KIAA1549: variants seen among roughly 807,000 people sequenced by gnomAD.
KIAA1549 encodes the protein UPF0606 protein KIAA1549.
KIAA1549 carries 70 observed loss-of-function variants against 156.4 expected under a neutral mutation model. The ratio of observed to expected loss-of-function variants is 0.45; its 90% CI spans 0.37 to 0.55. The LOEUF (loss-of-function observed/expected upper bound fraction) is 0.55, where lower values mean the gene tolerates loss of function less well. Ranked by LOEUF, KIAA1549 falls within the 20% of genes least tolerant of loss-of-function variation. The pLI, the probability that KIAA1549 is intolerant of heterozygous loss-of-function variation, is 0.00. For synonymous variants in KIAA1549, 1,103 were observed against 1,066.4 expected (o/e 1.03, Z -0.67); for missense variants, 2,428 against 2,540.9 (o/e 0.96, Z 0.96).
chr7:138,894,498 C>CTGCAGT lies in KIAA1549; in HGVS notation c.3875_3876insACTGCA (p.Pro1292_Glu1293insLeuGln), dbSNP rs747790441. The CTGCAGT allele has an allele frequency of 3.7e-6, 6 of 1,613,854 alleles. No individual in the cohort carries two copies. The highest frequency in any genetic ancestry group is 5.1e-6 in the Non-Finnish European group (6 of 1,179,894). ...CCCACAAGTTGTTGCTCTGGGATTCCGGAGACGGCCTCTTCACCCTGTCGA... is the reference window on the plus strand; with the variant it reads ...CCCACAAGTTGTTGCTCTGGGATTCCTGCAGTGGAGACGGCCTCTTCACCCTGTCGA... On this transcript the variant is annotated inframe_insertion, in exon 10 of 20. Transcript: ENST00000422774.
intron 1 of KIAA1549, among the ~76,000 whole-genome samples, chr7:138,973,629 C>A (rs907052904): frequency 1.4e-4 from 22 of 152,154 alleles, no homozygotes; most frequent in African/African-American, 5.3e-4. Context: ...ACTTCAACTA[C>A]CATCAAGTAC....
In KIAA1549 at chr7:138,919,386, C is replaced by T; in HGVS notation, c.240G>A (p.Val80=). Residue 80 remains valine (V), a synonymous_variant, in exon 2 of 20, where the codon GTG becomes GTA. Coordinates refer to ENST00000422774, the MANE Select transcript of KIAA1549 (RefSeq NM_001164665.2). ...CGCTGTGCCCAGTGCTTTTCTTCAG[C>T]ACGAGCTCCATGGAGTATAAAGAAA... ...HNLSLYSMEL[V]LKKSTGHSAA... 1 of 1,614,004 alleles carries T rather than the reference C, an allele frequency of 6.2e-7. No individual in the cohort carries two copies. The highest frequency in any genetic ancestry group is 8.5e-7 in the Non-Finnish European group (1 of 1,179,886).
At chr7:138,953,764 C>T (rs182657151) in intron 1 of KIAA1549, among the ~76,000 whole-genome samples, 1 of 152,310 alleles carries the variant, frequency 6.6e-6, no homozygotes, top group East Asian at 1.9e-4. Context: ...CATCTATCTT[C>T]CATACAATAC....
intron 1 of KIAA1549, among the ~76,000 whole-genome samples, chr7:138,952,903 A>G (rs1211507197): frequency 6.6e-6 from 1 of 152,250 alleles, no homozygotes; most frequent in African/African-American, 2.4e-5. Context: ...AATAAGGAGC[A>G]AGTGAGTCTA....
intron 8 of KIAA1549, 72 bp downstream of exon 8, chr7:138,903,516 G>T: frequency 6.9e-7 from 1 of 1,456,628 alleles, no homozygotes; most frequent in Non-Finnish European, 9.4e-7. Flanking sequence ...GTTTTAGATG[G>T]AGTGTGCACT....
chr7:138,914,540 G>C (rs535324693), intron 2 of KIAA1549, among the ~76,000 whole-genome samples: 83 of 152,286 alleles, frequency 5.5e-4, no homozygotes, highest in African/African-American at 1.9e-3. Context: ...AATCCTTTCA[G>C]GGGTACGCGG....
Position 138,834,156 on chromosome 7 carries a change from T to C in KIAA1549, c.*3750A>G, listed in dbSNP as rs1162156843. The C allele has an allele frequency of 9.8e-6, 2 of 204,988 alleles. No individual in the cohort carries two copies. The highest frequency in any genetic ancestry group is 2.0e-5 in the Non-Finnish European group (2 of 100,206). The allele number at this position is 204,988 out of a possible 1,614,324, so 12.7% of individuals were successfully genotyped here. On this transcript the variant is annotated 3_prime_UTR_variant, in exon 20 of 20. Transcript: ENST00000422774. ...TGGGTGCCTAATTCATTTATGTCTTTTGAACAAATTTTTTTCTTTTTGAGA... is the reference window on the plus strand; with the variant it reads ...TGGGTGCCTAATTCATTTATGTCTTCTGAACAAATTTTTTTCTTTTTGAGA...
In KIAA1549 at chr7:138,935,173, CTAATACT is replaced by C. The variant is rs746052144; in HGVS notation, c.188-15742_188-15736del. On this transcript the variant is annotated intron_variant, in intron 1 of 19. Coordinates refer to ENST00000422774, the MANE Select transcript of KIAA1549 (RefSeq NM_001164665.2). Reference sequence around the variant, plus strand: ...ACTGCAACCAAACAATACTGAAATACTAATACTGCAAGGCTTTTAAAAATTCAACTAT... The same window carrying C: ...ACTGCAACCAAACAATACTGAAATACGCAAGGCTTTTAAAAATTCAACTAT... 1.9e-4 allele frequency among the ~76,000 whole-genome samples: 29 copies of C among 152,156 alleles called. 1 individual carries two copies. The highest frequency in any genetic ancestry group is 2.8e-4 in the Non-Finnish European group (19 of 68,036).
intron 1 of KIAA1549, among the ~76,000 whole-genome samples, chr7:138,938,377 A>G (rs1417921828): frequency 6.6e-6 from 1 of 152,210 alleles, no homozygotes; most frequent in East Asian, 1.9e-4. Flanking sequence ...TCAGTCAAGC[A>G]CACATATTAT....
At chr7:138,873,516 G>C (rs1284878984) in intron 12 of KIAA1549, among the ~76,000 whole-genome samples, 1 of 150,830 alleles carries the variant, frequency 6.6e-6, no homozygotes, top group Non-Finnish European at 1.5e-5. Flanking sequence ...AGCCCATTAA[G>C]CTACTGATAC....
At chr7:138,906,474 C>T (rs568463527) in intron 6 of KIAA1549, among the ~76,000 whole-genome samples, 9 of 152,116 alleles carry the variant, frequency 5.9e-5, no homozygotes, top group South Asian at 2.1e-4. Flanking sequence ...GTGAACTCTC[C>T]GATCATATCT....
chr7:138,897,210 G>A (rs749301709), intron 9 of KIAA1549, among the ~76,000 whole-genome samples: 2 of 152,210 alleles, frequency 1.3e-5, no homozygotes, highest in African/African-American at 2.4e-5. Flanking sequence ...GAACTGTAAC[G>A]AAGTGCTTTT....
At chr7:138,970,820 C>A (rs576623950) in intron 1 of KIAA1549, among the ~76,000 whole-genome samples, 24 of 152,330 alleles carry the variant, frequency 1.6e-4, no homozygotes, top group Non-Finnish European at 2.6e-4. Context: ...AGGCTTCCCC[C>A]TTTGAAAGCT....
intron 1 of KIAA1549, among the ~76,000 whole-genome samples, chr7:138,921,569 A>T (rs1404167997): frequency 6.6e-6 from 1 of 152,180 alleles, no homozygotes; most frequent in Non-Finnish European, 1.5e-5. Flanking sequence ...GTGACCGTAT[A>T]AAAGATGGAA....
At chr7:138,906,839 T>C in intron 6 of KIAA1549, 80 bp downstream of exon 6, 1 of 1,182,424 alleles carries the variant, frequency 8.5e-7, no homozygotes, top group Non-Finnish European at 1.1e-6. Flanking sequence ...TTTAAAAAAC[T>C]AAAAAAATTT....
chr7:138,841,443 T>C (rs1388225071), intron 18 of KIAA1549, among the ~76,000 whole-genome samples: 1 of 152,188 alleles, frequency 6.6e-6, no homozygotes, highest in Non-Finnish European at 1.5e-5. Context: ...CCCAGACATC[T>C]GCAGCCTCCT....
intron 1 of KIAA1549, among the ~76,000 whole-genome samples, chr7:138,971,210 C>T (rs1814212159): frequency 6.6e-6 from 1 of 152,164 alleles, no homozygotes; most frequent in Admixed American, 6.5e-5. Context: ...AATTCTTTCA[C>T]TCATCCCTTC....
Position 138,837,714 on chromosome 7 carries a change from T to C in KIAA1549, c.*192A>G. The C allele has an allele frequency of 1.6e-6, 1 of 621,636 alleles. No homozygotes were observed. Among genetic ancestry groups the C allele is most frequent in the Non-Finnish European group, 2.8e-6 (1 of 363,114 alleles). The allele number at this position is 621,636 out of a possible 1,614,324, so 38.5% of individuals were successfully genotyped here. On this transcript the variant is annotated 3_prime_UTR_variant, in exon 20 of 20. Coordinates refer to ENST00000422774, the MANE Select transcript of KIAA1549 (RefSeq NM_001164665.2). ...CAACTGAACCCAAGTGTTCAGACAA[T>C]TGCCAGCCCAGTGAAAGGCTCATGA... is the stretch of plus-strand genomic sequence containing the variant.
At chr7:138,907,813 G>T (rs1319951830) in intron 5 of KIAA1549, among the ~76,000 whole-genome samples, 1 of 152,124 alleles carries the variant, frequency 6.6e-6, no homozygotes, top group African/African-American at 2.4e-5. Flanking sequence ...CAAGAAGGTG[G>T]GCAGAGGCTA....
Sources: gnomAD v4.1 joint callset for allele counts (sites outside exome capture counted in the v4.1 genomes callset) on GRCh38, gnomAD v4.1.1 for gene constraint, MANE v1.5 for transcripts, NCBI Gene and HGNC (gene_info 2026-07-23, HGNC 2026-07-21) for gene names.